Variants in BCAS1 observed in about 807,000 individuals in gnomAD.
BCAS1 encodes brain enriched myelin associated protein 1, also known as breast carcinoma-amplified sequence 1.
In BCAS1, 46 loss-of-function variants were observed where a neutral mutation model predicts 65.4. The ratio of observed to expected loss-of-function variants is 0.70; its 90% CI spans 0.55 to 0.90. BCAS1 has a LOEUF of 0.90. Among genes scored for constraint, BCAS1 ranks in the 40% least tolerant of loss-of-function variants. The pLI is 0.00. For missense variants in BCAS1, 793 were observed against 771.2 expected (o/e 1.03, Z -0.33); for synonymous variants, 298 against 293.5 (o/e 1.02, Z -0.16).
At position 53,944,908 on chromosome 20, in the gene BCAS1, C is replaced by A; in HGVS notation, c.*14G>T. The stretch of plus-strand genomic sequence containing the variant: ...TGGTGGCAGGAGAACCTGGTGGGAA[C>A]CGTGCTGATTTGTTTACTTGGATTT... On this transcript the variant is annotated 3_prime_UTR_variant, in exon 13 of 13. Coordinates refer to ENST00000688948, the MANE Select transcript of BCAS1 (RefSeq NM_001366298.2). The A allele has an allele frequency of 6.2e-7, 1 of 1,613,094 alleles. No homozygotes were observed. Among genetic ancestry groups the A allele is most frequent in the Non-Finnish European group, 8.5e-7 (1 of 1,179,200 alleles).
intron 3 of BCAS1, among the ~76,000 whole-genome samples, chr20:54,043,241 C>T (rs1479411422): frequency 6.6e-6 from 1 of 152,114 alleles, no homozygotes; most frequent in African/African-American, 2.4e-5. Flanking sequence ...AATCTGCAAG[C>T]ACAGCTGAAA....
intron 9 of BCAS1, among the ~76,000 whole-genome samples, chr20:53,971,228 C>G (rs1279560173): frequency 6.6e-6 from 1 of 152,150 alleles, no homozygotes; most frequent in Non-Finnish European, 1.5e-5. Flanking sequence ...TATACCATGC[C>G]TGAGCAGAAG....
At chr20:54,008,151 T>A (rs2091242685) in intron 4 of BCAS1, among the ~76,000 whole-genome samples, 1 of 152,104 alleles carries the variant, frequency 6.6e-6, no homozygotes, top group African/African-American at 2.4e-5. Flanking sequence ...GGTCTCACCA[T>A]CTCCCATGCC....
intron 10 of BCAS1, among the ~76,000 whole-genome samples, chr20:53,959,271 T>TAAA (rs2089800591): frequency 6.7e-6 from 1 of 149,518 alleles, no homozygotes; most frequent in African/African-American, 2.5e-5. Context: ...TTTTTTTTTT[T>TAAA]GAGAGAGAGT....
intron 1 of BCAS1, among the ~76,000 whole-genome samples, chr20:54,067,069 T>C (rs1209403643): frequency 6.6e-6 from 1 of 152,184 alleles, no homozygotes; most frequent in Non-Finnish European, 1.5e-5. Context: ...GGAATATATA[T>C]GGTACAATCT....
chr20:53,985,496 C>T lies in BCAS1; in HGVS notation c.1066G>A (p.Ala356Thr), dbSNP rs776822060. 2 of 1,613,558 alleles carry T rather than the reference C, an allele frequency of 1.2e-6. No homozygotes were observed. The highest frequency in any genetic ancestry group is 2.2e-5 in the South Asian group (2 of 91,018). ...GCTGAAGTGGTGGGTGACTTTTCAG[C>T]ACCCTAAAGAGTTAAAAAAAATGGA... Reference protein sequence around the residue: ...AFRKFFRHKGAEKSPTTSADL... With the variant: ...AFRKFFRHKGTEKSPTTSADL... Residue 356 changes from alanine (A) to threonine (T), a missense_variant, in exon 8 of 13, where the codon GCT (alanine) becomes ACT (threonine). Physicochemically the swap from Ala to Thr is moderately conservative, Grantham distance 58. Coordinates refer to ENST00000688948, the MANE Select transcript of BCAS1 (RefSeq NM_001366298.2).
In BCAS1 at chr20:53,985,333, T is replaced by A. The variant is rs1377738994; in HGVS notation, c.1229A>T (p.Lys410Ile). The A allele has an allele frequency of 6.2e-7, 1 of 1,613,998 alleles. No homozygotes were observed. The highest frequency in any genetic ancestry group is 1.7e-5 in the Admixed American group (1 of 60,026). Residue 410 changes from lysine to isoleucine, a missense_variant, in exon 8 of 13, where the codon AAA (lysine) becomes ATA (isoleucine). Physicochemically the swap from Lys to Ile is moderately radical, Grantham distance 102 (BLOSUM62 -3). Coordinates refer to ENST00000688948, the MANE Select transcript of BCAS1 (RefSeq NM_001366298.2). ...CAGAGGCAGAGAGGTGGGTCCTGAT[T>A]TCTCCTTGGTGCCTTCCTTCGCAGG... ...PEPAKEGTKEKSGPTSLPLGK... is the reference protein window; with the variant it reads ...PEPAKEGTKEISGPTSLPLGK...
chr20:54,047,064 T>A (rs147588917), intron 3 of BCAS1, among the ~76,000 whole-genome samples: 7 of 152,310 alleles, frequency 4.6e-5, no homozygotes, highest in African/African-American at 1.4e-4. Flanking sequence ...ATGTCTTCTT[T>A]AATCACAGGT....
intron 8 of BCAS1, among the ~76,000 whole-genome samples, chr20:53,982,670 G>C (rs937258373): frequency 3.9e-5 from 6 of 152,084 alleles, no homozygotes; most frequent in Non-Finnish European, 8.8e-5. Context: ...AAATTTACAA[G>C]GGTGATTTTA....
intron 11 of BCAS1, among the ~76,000 whole-genome samples, chr20:53,955,382 T>A (rs1379029240): frequency 6.6e-6 from 1 of 152,200 alleles, no homozygotes; most frequent in African/African-American, 2.4e-5. Flanking sequence ...GATGTCCAAG[T>A]ACAATAGATA....
chr20:53,962,372 AT>A (rs2089904658), intron 10 of BCAS1, among the ~76,000 whole-genome samples: 2 of 152,244 alleles, frequency 1.3e-5, no homozygotes, highest in Admixed American at 6.5e-5. Flanking sequence ...TGAGAACATT[AT>A]TCCAACAAAG....
chr20:54,059,003 G>C (rs2092342940), intron 1 of BCAS1, among the ~76,000 whole-genome samples: 1 of 152,154 alleles, frequency 6.6e-6, no homozygotes, highest in African/African-American at 2.4e-5. Flanking sequence ...CTCTCCACAG[G>C]ACACCAGAAG....
intron 4 of BCAS1, among the ~76,000 whole-genome samples, chr20:54,005,409 G>A (rs1293353983): frequency 6.6e-6 from 1 of 152,110 alleles, no homozygotes; most frequent in Non-Finnish European, 1.5e-5. Flanking sequence ...AATTGCTTGA[G>A]CCAGGGAGGT....
chr20:54,004,650 A>G (rs900614386), intron 4 of BCAS1, among the ~76,000 whole-genome samples: 2 of 152,216 alleles, frequency 1.3e-5, no homozygotes, highest in African/African-American at 4.8e-5. Context: ...TCACTCAGTA[A>G]CTATGTGGGG....
chr20:54,000,310 T>G (rs1194409148), intron 4 of BCAS1, among the ~76,000 whole-genome samples: 1 of 152,158 alleles, frequency 6.6e-6, no homozygotes, highest in East Asian at 1.9e-4. Context: ...CAAAGAGTTA[T>G]CTGGCTCTCA....
rs145655759 is a variant in BCAS1 at position 54,030,789 on chromosome 20, AC to A, written c.143-1818del. ...TGTTAGGGGTTTCTCATAAACCTGA[AC>A]CTGAAGAAAATCACCCTGCCAGCAT... is the stretch of plus-strand genomic sequence containing the variant. On this transcript the variant is annotated intron_variant, in intron 3 of 12. Transcript: ENST00000688948. Among the ~76,000 whole-genome samples the A allele has an allele frequency of 3.0e-3, 457 of 151,412 alleles. 11 individuals carry two copies. The highest frequency in any genetic ancestry group is 0.011 in the African/African-American group (439 of 41,440).
At chr20:53,975,502 G>C in intron 8 of BCAS1, 72 bp from the exon 9 acceptor site, 1 of 1,286,092 alleles carries the variant, frequency 7.8e-7, no homozygotes, top group Non-Finnish European at 1.1e-6. Flanking sequence ...AAAAGCAAAG[G>C]GTTAGTTGGG....
intron 4 of BCAS1, 98 bp from the exon 5 acceptor site, chr20:53,996,148 C>G: frequency 7.7e-7 from 1 of 1,299,266 alleles, no homozygotes; most frequent in Non-Finnish European, 1.0e-6. Flanking sequence ...CCCCCTAATT[C>G]CAGCCATACT....
At chr20:54,042,722 T>A (rs536307503) in intron 3 of BCAS1, among the ~76,000 whole-genome samples, 2 of 152,332 alleles carry the variant, frequency 1.3e-5, no homozygotes, top group East Asian at 1.9e-4. Flanking sequence ...ATGTTTGCTA[T>A]GTGTATGCAC....
Sources: allele counts gnomAD v4.1 joint callset (sites outside exome capture counted in the v4.1 genomes callset), GRCh38; gene constraint gnomAD v4.1.1; transcripts MANE v1.5; gene names NCBI Gene and HGNC (gene_info 2026-07-23, HGNC 2026-07-21).